The following ADAD2 variants were observed in gnomAD, a reference collection of about 807,000 sequenced individuals.
The protein encoded by ADAD2 is adenosine deaminase domain containing 2.
ADAD2 carries 60 observed loss-of-function variants against 54.5 expected under a neutral mutation model. That is an observed-to-expected ratio of 1.10 (90% CI 0.89 to 1.36). The LOEUF (loss-of-function observed/expected upper bound fraction) is 1.36, where lower values mean the gene tolerates loss of function less well. Ranked by LOEUF, ADAD2 falls within the 40% of genes most tolerant of loss-of-function variation. ADAD2 has a pLI of 0.00. For synonymous variants in ADAD2, 543 were observed against 366.2 expected, an observed-to-expected ratio of 1.48 and a Z score of -5.51; for missense variants, 1,103 against 801.3, an observed-to-expected ratio of 1.38 and a Z score of -4.54.
intron 2 of ADAD2, 41 bp from the exon 3 acceptor site, chr16:84,194,892 C>A: frequency 6.4e-7 from 1 of 1,573,498 alleles, no homozygotes. Flanking sequence ...GGAGGGTGGG[C>A]CTTGGCACCC....
At chr16:84,194,754 G>A in intron 2 of ADAD2, 172 bp downstream of exon 2, 4 of 1,307,738 alleles carry the variant, frequency 3.1e-6, no homozygotes, top group African/African-American at 1.5e-5. Context: ...GGGTACATGT[G>A]CCGGTCCCTG....
At chr16:84,195,728 T>A in intron 6 of ADAD2, 31 bp downstream of exon 6, 2 of 1,527,534 alleles carry the variant, frequency 1.3e-6, no homozygotes, top group Non-Finnish European at 1.8e-6. Flanking sequence ...AGGCGGGGGA[T>A]GGGGCTCCCT....
chr16:84,191,835 A>C (rs374248898), intron 1 of ADAD2, 187 bp downstream of exon 1: 1 of 816,448 alleles, frequency 1.2e-6, no homozygotes, highest in Non-Finnish European at 2.0e-6. Context: ...GCGATCTCCA[A>C]GGATCACCAG....
At chr16:84,194,667 C>T (rs1455206844) in intron 2 of ADAD2, 85 bp downstream of exon 2, 1 of 1,543,616 alleles carries the variant, frequency 6.5e-7, no homozygotes, top group Admixed American at 2.0e-5. Context: ...GCGGAAGTGG[C>T]TGTGCGTGTG....
rs2089655024 is a variant in ADAD2 at position 84,191,573 on chromosome 16, C to G, written c.343C>G (p.Gln115Glu). The G allele has an allele frequency of 1.3e-6, 2 of 1,549,308 alleles. No homozygotes were observed. The highest frequency in any genetic ancestry group is 1.7e-6 in the Non-Finnish European group (2 of 1,146,862). Reference protein sequence around the residue: ...SLPLKDPPASQAVSLLTEYAA... With the variant: ...SLPLKDPPASEAVSLLTEYAA... ...GCCGCTCAAAGACCCACCTGCCAGCCAGGCCGTGTCCTTGCTCACGGAGTA... is the reference window on the plus strand; with the variant it reads ...GCCGCTCAAAGACCCACCTGCCAGCGAGGCCGTGTCCTTGCTCACGGAGTA... Residue 115 changes from glutamine to glutamate, a missense_variant, in exon 1 of 10, where the codon CAG (glutamine) becomes GAG (glutamate). Transcript: ENST00000315906.
chr16:84,194,611 C>A lies in ADAD2; in HGVS notation c.559+29C>A, dbSNP rs758607083. On this transcript the variant is annotated intron_variant, in intron 2 of 9. Transcript: ENST00000315906. ...ATGGAGGGAGGGCCAGGCAGCTGAG[C>A]CGCAGCTGGGGACAAGAGGACTGAG... The A allele has an allele frequency of 1.1e-5, 17 of 1,586,456 alleles. No individual in the cohort carries two copies. The African/African-American group carries it at 1.9e-4, about 18-fold the overall frequency.
Position 84,196,948 on chromosome 16 carries a change from C to T in ADAD2, c.1726C>T (p.Pro576Ser). ...QQGLGAWPSK[P>S]LVGKFRN ...GGGCCTGGGGGCTTGGCCCTCGAAGCCACTGGTGGGCAAATTCAGAAACTG... is the reference window on the plus strand; with the variant it reads ...GGGCCTGGGGGCTTGGCCCTCGAAGTCACTGGTGGGCAAATTCAGAAACTG... The change falls in exon 10 of 10, where the codon CCA becomes TCA. Residue 576 changes from proline to serine, a missense_variant. Pro to Ser is a moderately conservative substitution (Grantham distance 74). Coordinates refer to ENST00000315906, the MANE Select transcript of ADAD2 (RefSeq NM_001145400.2). 6.2e-7 allele frequency: 1 copy of T among 1,604,608 alleles called. No individual in the cohort carries two copies. Among genetic ancestry groups the T allele is most frequent in the South Asian group, 1.1e-5 (1 of 89,482 alleles).
intron 1 of ADAD2, chr16:84,193,992 A>G (rs1310746083): frequency 3.2e-6 from 5 of 1,557,894 alleles, no homozygotes; most frequent in East Asian, 2.3e-5. Flanking sequence ...ACCCAAAATG[A>G]TACTGTTTCA....
chr16:84,193,037 G>C (rs961460622), intron 1 of ADAD2: 2 of 151,990 alleles, frequency 1.3e-5, no homozygotes, highest in Non-Finnish European at 2.9e-5. Flanking sequence ...ATAGAGATGG[G>C]GTTTCACCGT....
intron 1 of ADAD2, 100 bp downstream of exon 1, chr16:84,191,748 G>C: frequency 6.6e-7 from 1 of 1,507,942 alleles, no homozygotes; most frequent in Non-Finnish European, 8.9e-7. Context: ...GTGGACCTTG[G>C]TCCCTATGCT....
In ADAD2 at chr16:84,196,892, G is replaced by A. The variant is rs373568054; in HGVS notation, c.1670G>A (p.Arg557His). 3.2e-5 allele frequency: 51 copies of A among 1,593,414 alleles called. No individual in the cohort carries two copies. Among genetic ancestry groups the A allele is most frequent in the Non-Finnish European group, 4.1e-5 (48 of 1,170,752 alleles). ...AAKAGPYQEARRQLSLLLDQQ... is the reference protein window; with the variant it reads ...AAKAGPYQEAHRQLSLLLDQQ... Reference sequence around the variant, plus strand: ...TAGGCTGGGCCCTACCAGGAGGCTCGCAGGCAGCTGTCTCTCCTCCTGGAC... The same window carrying A: ...TAGGCTGGGCCCTACCAGGAGGCTCACAGGCAGCTGTCTCTCCTCCTGGAC... The change falls in exon 10 of 10, where the codon CGC becomes CAC. Residue 557 changes from arginine (R) to histidine (H), a missense_variant. Physicochemically the swap from Arg to His is conservative, Grantham distance 29. Coordinates refer to ENST00000315906, the MANE Select transcript of ADAD2 (RefSeq NM_001145400.2).
Position 84,195,165 on chromosome 16 carries a change from G to T in ADAD2, c.704G>T (p.Gly235Val). Residue 235 changes from glycine to valine, a missense_variant, in exon 4 of 10, where the codon GGG (glycine) becomes GTG (valine). Physicochemically the swap from Gly to Val is moderately radical, Grantham distance 109. Transcript: ENST00000315906. ...CGCTCGCCATACTGGGCCTGTAAGG[G>T]GACTGTGGCTGGAGTCATCCTGGAG... The part of the protein sequence containing the change: ...DERSPYWACK[G>V]TVAGVILERE... 6.2e-7 allele frequency: 1 copy of T among 1,613,424 alleles called. No individual in the cohort carries two copies. Among genetic ancestry groups the T allele is most frequent in the South Asian group, 1.1e-5 (1 of 91,068 alleles).
intron 1 of ADAD2, chr16:84,194,215 G>T: frequency 6.4e-7 from 1 of 1,562,164 alleles, no homozygotes. Flanking sequence ...TGCTGTGGAG[G>T]AGTTGGGTGA....
In ADAD2 at chr16:84,195,874, A is replaced by G. The variant is rs774842213; in HGVS notation, c.1112A>G (p.His371Arg). 15 of 1,604,946 alleles carry G rather than the reference A, an allele frequency of 9.3e-6. No homozygotes were observed. Among genetic ancestry groups the G allele is most frequent in the Admixed American group, 3.3e-5 (2 of 59,896 alleles). The change falls in exon 7 of 10, where the codon CAT becomes CGT. Residue 371 changes from histidine (H) to arginine (R), a missense_variant. Transcript: ENST00000315906. Reference protein sequence around the residue: ...PHSPPMRLQAHVLGQLKPVCY... With the variant: ...PHSPPMRLQARVLGQLKPVCY... Reference sequence around the variant, plus strand: ...AGCCCACCCATGCGCCTGCAGGCCCATGTGCTCGGGCAGCTGAAGCCTGTG... The same window carrying G: ...AGCCCACCCATGCGCCTGCAGGCCCGTGTGCTCGGGCAGCTGAAGCCTGTG...
rs2089699327 is a variant in ADAD2, at chr16:84,194,491, C to T, written c.468C>T (p.Cys156=). Residue 156 remains cysteine (C), a synonymous_variant, in exon 2 of 10, where the codon TGC becomes TGT. Coordinates refer to ENST00000315906, the MANE Select transcript of ADAD2 (RefSeq NM_001145400.2). ...GCGCGGAACTGGATGGGGTGGTCTG[C>T]CCTGCGGGCACTGCGAATAGCAAGA... ...SVSAELDGVV[C]PAGTANSKTE... 2.5e-6 allele frequency: 4 copies of T among 1,611,632 alleles called. No individual in the cohort carries two copies. The highest frequency in any genetic ancestry group is 1.1e-5 in the South Asian group (1 of 90,650).
Position 84,195,646 on chromosome 16 carries a change from TC to T in ADAD2, c.1003del (p.Leu335CysfsTer42). 6.3e-7 allele frequency: 1 copy of T among 1,598,886 alleles called. No individual in the cohort carries two copies. The highest frequency in any genetic ancestry group is 8.5e-7 in the Non-Finnish European group (1 of 1,173,698). ...GPPFTLKPRVFLHLYISNTPK... is the reference protein window; with the variant it reads ...GPPFTLKPRVXLHLYISNTPK... Reference sequence around the variant, plus strand: ...CCATTCACCCTCAAGCCCCGCGTCTTCCTGCACCTCTACATCAGCAACACCC... The same window carrying T: ...CCATTCACCCTCAAGCCCCGCGTCTTCTGCACCTCTACATCAGCAACACCC... On this transcript the variant is annotated frameshift_variant, in exon 6 of 10. Coordinates refer to ENST00000315906, the MANE Select transcript of ADAD2 (RefSeq NM_001145400.2). LOFTEE classifies it high-confidence loss of function.
intron 2 of ADAD2, 167 bp downstream of exon 2, chr16:84,194,749 C>T: frequency 7.5e-7 from 1 of 1,330,978 alleles, no homozygotes; most frequent in Non-Finnish European, 1.0e-6. Context: ...GGGCGGGGTA[C>T]ATGTGCCGGT....
intron 1 of ADAD2, 157 bp from the exon 2 acceptor site, chr16:84,194,285 C>T (rs1022492159): frequency 6.5e-7 from 1 of 1,549,250 alleles, no homozygotes; most frequent in African/African-American, 1.4e-5. Flanking sequence ...GTGTGCGCGG[C>T]ATGGGGTGGC....
intron 9 of ADAD2, 44 bp downstream of exon 9, chr16:84,196,811 T>G (rs1343380990): frequency 1.3e-6 from 2 of 1,507,386 alleles, no homozygotes; most frequent in South Asian, 2.3e-5. Flanking sequence ...TCTCCAGCCC[T>G]GCAGTCCCTG....
Sources: allele counts gnomAD v4.1 joint callset, GRCh38; gene constraint gnomAD v4.1.1; transcripts MANE v1.5; gene names NCBI Gene and HGNC (gene_info 2026-07-23, HGNC 2026-07-21).